The following CDKAL1 variants were observed in gnomAD, a reference collection of about 807,000 sequenced individuals.
The protein encoded by CDKAL1 is threonylcarbamoyladenosine tRNA methylthiotransferase.
A neutral mutation model predicts 68.2 loss-of-function variants in CDKAL1; 32 were observed. The observed-to-expected ratio is 0.47, with a 90% CI of 0.35 to 0.63. The LOEUF (loss-of-function observed/expected upper bound fraction) is 0.63. CDKAL1 is among the 30% of genes least tolerant of loss of function. CDKAL1 has a pLI of 0.00. For synonymous variants in CDKAL1, 234 were observed against 244.3 expected (o/e 0.96, Z 0.39); for missense variants, 606 against 696.7 (o/e 0.87, Z 1.47).
At chr6:20,543,474 T>C (rs998787072) in intron 2 of CDKAL1, among the ~76,000 whole-genome samples, 3 of 152,226 alleles carry the variant, frequency 2.0e-5, no homozygotes, top group African/African-American at 7.2e-5. Flanking sequence ...GGTTGTGTTT[T>C]GACACTAGTT....
intron 9 of CDKAL1, among the ~76,000 whole-genome samples, chr6:20,924,657 G>A (rs1763104698): frequency 1.3e-5 from 2 of 152,220 alleles, no homozygotes; most frequent in South Asian, 4.1e-4. Context: ...AAGGCTGAGA[G>A]AGATGAGCAA....
chr6:21,136,979 G>A (rs1226005317), intron 13 of CDKAL1, among the ~76,000 whole-genome samples: 1 of 152,136 alleles, frequency 6.6e-6, no homozygotes, highest in Non-Finnish European at 1.5e-5. Flanking sequence ...AGGCCTCCAA[G>A]GTTATTGACA....
At chr6:20,585,532 ATC>A (rs1765316692) in intron 4 of CDKAL1, among the ~76,000 whole-genome samples, 1 of 152,204 alleles carries the variant, frequency 6.6e-6, no homozygotes, top group Non-Finnish European at 1.5e-5. Context: ...AAGTGCTCTC[ATC>A]AAGTTCACCA....
chr6:21,000,169 G>A, intron 10 of CDKAL1, 58 bp from the exon 11 acceptor site: 1 of 1,451,162 alleles, frequency 6.9e-7, no homozygotes, highest in Non-Finnish European at 9.6e-7. Context: ...TTGATGTGAG[G>A]AAAACCATTC....
intron 4 of CDKAL1, among the ~76,000 whole-genome samples, chr6:20,637,633 C>T (rs1767967804): frequency 6.6e-6 from 1 of 152,038 alleles, no homozygotes; most frequent in African/African-American, 2.4e-5. Context: ...TTTATGATTG[C>T]CTTTTACTTT....
rs955091028 is a variant in CDKAL1, at chr6:20,549,874, G to A, written c.286+1169G>A. 3.3e-5 allele frequency among the ~76,000 whole-genome samples: 5 copies of A among 151,500 alleles called. No homozygotes were observed. In the East Asian group the frequency reaches 5.9e-4, roughly 18 times the overall value. ...CACTCGCCTCGGCCTCCCAAAGTGC[G>A]GGGATTACAGGTGTGAGCCACTGCG... On this transcript the variant is annotated intron_variant, in intron 4 of 15. Transcript: ENST00000274695.
At chr6:20,545,645 A>G (rs1763569231) in intron 2 of CDKAL1, among the ~76,000 whole-genome samples, 1 of 152,134 alleles carries the variant, frequency 6.6e-6, no homozygotes, top group Non-Finnish European at 1.5e-5. Flanking sequence ...CATGTTGGCC[A>G]GGCTGGTCTC....
intron 5 of CDKAL1, among the ~76,000 whole-genome samples, chr6:20,703,573 G>A (rs1043989988): frequency 1.3e-5 from 2 of 152,086 alleles, no homozygotes; most frequent in Non-Finnish European, 2.9e-5. Flanking sequence ...ATATTTTATA[G>A]TTATTGTTCC....
At chr6:20,684,477 T>C (rs940193839) in intron 5 of CDKAL1, among the ~76,000 whole-genome samples, 2 of 152,116 alleles carry the variant, frequency 1.3e-5, no homozygotes, top group African/African-American at 4.8e-5. Context: ...GCTATAAACA[T>C]TGTGTGCAGT....
At chr6:20,712,875 C>G (rs1413998938) in intron 5 of CDKAL1, among the ~76,000 whole-genome samples, 1 of 151,968 alleles carries the variant, frequency 6.6e-6, no homozygotes, top group African/African-American at 2.4e-5. Context: ...CTCCTGACCT[C>G]GTGATCCACC....
At chr6:20,710,594 GTC>G (rs1771801262) in intron 5 of CDKAL1, among the ~76,000 whole-genome samples, 1 of 152,138 alleles carries the variant, frequency 6.6e-6, no homozygotes, top group Admixed American at 6.5e-5. Context: ...TTCCCTTTAA[GTC>G]TGTTTAAACT....
chr6:21,186,796 T>C (rs1470255472), intron 13 of CDKAL1, among the ~76,000 whole-genome samples: 6 of 152,112 alleles, frequency 3.9e-5, no homozygotes, highest in African/African-American at 1.4e-4. Context: ...ACTAATATCC[T>C]TTCTAAAACA....
chr6:21,023,694 T>C (rs1400440319), intron 11 of CDKAL1, among the ~76,000 whole-genome samples: 2 of 152,206 alleles, frequency 1.3e-5, no homozygotes, highest in Non-Finnish European at 2.9e-5. Flanking sequence ...TTCTTCCTGA[T>C]TTTTATTTTA....
At chr6:20,881,397 A>G (rs1008547243) in intron 9 of CDKAL1, among the ~76,000 whole-genome samples, 3 of 152,258 alleles carry the variant, frequency 2.0e-5, no homozygotes, top group Admixed American at 2.0e-4. Context: ...TATGTGATAT[A>G]TAAATTGATA....
At chr6:20,954,038 G>GT (rs1341704596) in intron 9 of CDKAL1, among the ~76,000 whole-genome samples, 2 of 152,132 alleles carry the variant, frequency 1.3e-5, no homozygotes, top group African/African-American at 4.8e-5. Context: ...TTTCCATGTT[G>GT]TGTGGGTGTG....
At chr6:20,854,600 C>T (rs1194093061) in intron 9 of CDKAL1, among the ~76,000 whole-genome samples, 1 of 152,162 alleles carries the variant, frequency 6.6e-6, no homozygotes, top group Admixed American at 6.5e-5. Context: ...TCCTTGCCAT[C>T]GGAAACAAGG....
intron 11 of CDKAL1, among the ~76,000 whole-genome samples, chr6:21,002,918 G>A (rs1038110861): frequency 6.6e-6 from 1 of 152,080 alleles, no homozygotes; most frequent in Admixed American, 6.5e-5. Context: ...GAGCCTGGGA[G>A]GCGGAGGTTG....
At chr6:20,862,702 C>T (rs1025404093) in intron 9 of CDKAL1, among the ~76,000 whole-genome samples, 5 of 152,104 alleles carry the variant, frequency 3.3e-5, no homozygotes, top group African/African-American at 1.2e-4. Flanking sequence ...CCCATATACT[C>T]TCACATAGCT....
intron 10 of CDKAL1, among the ~76,000 whole-genome samples, chr6:20,972,771 T>A (rs1366455723): frequency 6.6e-6 from 1 of 152,140 alleles, no homozygotes; most frequent in African/African-American, 2.4e-5. Flanking sequence ...TGAGCATTGT[T>A]GATTGTTTGC....
Sources: gnomAD v4.1 joint callset for allele counts (sites outside exome capture counted in the v4.1 genomes callset) on GRCh38, gnomAD v4.1.1 for gene constraint, MANE v1.5 for transcripts, NCBI Gene and HGNC (gene_info 2026-07-23, HGNC 2026-07-21) for gene names.